Variants in PCDH7 observed in about 807,000 individuals in gnomAD.
The protein encoded by PCDH7 is protocadherin-7.
In PCDH7, 17 loss-of-function variants were observed where a neutral mutation model predicts 58.9. The observed-to-expected ratio is 0.29, with a 90% CI of 0.20 to 0.43. The LOEUF is 0.43. PCDH7 is among the 20% of genes least tolerant of loss of function. PCDH7 has a pLI of 1.00. For synonymous variants in PCDH7, 664 were observed against 616.4 expected (o/e 1.08, Z -1.14); for missense variants, 1,274 against 1,441.0 (o/e 0.88, Z 1.88).
chr4:30,768,130 T>TA, intron 1 of PCDH7, among the ~76,000 whole-genome samples: 1 of 152,348 alleles, frequency 6.6e-6, no homozygotes, highest in East Asian at 1.9e-4. Context: ...TCACTCTATG[T>TA]AAATGTATAG....
intron 1 of PCDH7, among the ~76,000 whole-genome samples, chr4:30,796,128 A>G (rs1388070350): frequency 6.6e-6 from 1 of 152,228 alleles, no homozygotes; most frequent in East Asian, 1.9e-4. Flanking sequence ...AGCTGCTGCT[A>G]CATCATTTTT....
intron 2 of PCDH7, among the ~76,000 whole-genome samples, chr4:30,924,005 C>A (rs1002472239): frequency 6.6e-6 from 1 of 152,084 alleles, no homozygotes; most frequent in Non-Finnish European, 1.5e-5. Flanking sequence ...TTAAAAGCAC[C>A]ATCTCATTCA....
intron 1 of PCDH7, among the ~76,000 whole-genome samples, chr4:30,826,940 C>G (rs1213133768): frequency 6.6e-6 from 1 of 151,926 alleles, no homozygotes; most frequent in Admixed American, 6.6e-5. Context: ...GCTGCCCAGG[C>G]TAGGAATTCT....
chr4:30,833,557 T>C (rs1730077483), intron 1 of PCDH7, among the ~76,000 whole-genome samples: 1 of 152,196 alleles, frequency 6.6e-6, no homozygotes, highest in Admixed American at 6.6e-5. Flanking sequence ...GCTGTCGTCT[T>C]AGTCCCATCC....
intron 1 of PCDH7, among the ~76,000 whole-genome samples, chr4:30,811,906 GT>G (rs985779393): frequency 1.3e-5 from 2 of 152,034 alleles, no homozygotes; most frequent in East Asian, 1.9e-4. Flanking sequence ...GAATAGGAGG[GT>G]TTTTTAGCCA....
At position 30,722,251 on chromosome 4, in the gene PCDH7, A is replaced by C. The variant is rs935950144; in HGVS notation, c.829A>C (p.Thr277Pro). ...CGAGCAGCGCGACTCCTACGAGCTG[A>C]CCCTGCGAGTGCGCGACGGCGGCGA... Residue 277 changes from threonine (T) to proline (P), a missense_variant, in exon 1 of 2, where the codon ACC becomes CCC. By Grantham distance (38) the Thr-to-Pro change is conservative (BLOSUM62 -1). Transcript: ENST00000361762. This position sits in a 1 kb window ranked among gnomAD's most constrained non-coding sequence, Gnocchi z 7.6. 6.3e-7 allele frequency: 1 copy of C among 1,596,244 alleles called. No individual in the cohort carries two copies. Among genetic ancestry groups the C allele is most frequent in the Non-Finnish European group, 8.5e-7 (1 of 1,172,604 alleles).
intron 3 of PCDH7, among the ~76,000 whole-genome samples, chr4:31,053,199 A>T (rs753588221): frequency 7.2e-5 from 11 of 152,068 alleles, no homozygotes; most frequent in South Asian, 2.1e-4. Flanking sequence ...AGTTTTGCAT[A>T]CCCATCACCA....
In PCDH7 at chr4:31,051,394, A is replaced by G. The variant is rs186921938; in HGVS notation, c.*8-91079A>G. Among the ~76,000 whole-genome samples, 198 of 152,300 alleles carry G rather than the reference A, an allele frequency of 1.3e-3. 1 individual carries two copies. The highest frequency in any genetic ancestry group is 4.6e-3 in the African/African-American group (191 of 41,584). Reference sequence around the variant, plus strand: ...ATGAACTAATGAATGAATCATACACACCAAAAATAGAGCAGCAGAACTATA... The same window carrying G: ...ATGAACTAATGAATGAATCATACACGCCAAAAATAGAGCAGCAGAACTATA... On this transcript the variant is annotated intron_variant, in intron 3 of 3. Transcript: ENST00000509759.
In PCDH7 at chr4:30,952,412, A is replaced by G. The variant is rs141119244; in HGVS notation, c.*7+2197A>G. 6.6e-5 allele frequency among the ~76,000 whole-genome samples: 10 copies of G among 152,164 alleles called. No homozygotes were observed. In the East Asian group the frequency reaches 1.4e-3, roughly 21 times the overall value. ...AGGAAAACAGTTGTATCAATTTACC[A>G]CTAAAGGAAAACAGTGGATAAGTAA... On this transcript the variant is annotated intron_variant, in intron 3 of 3. Transcript: ENST00000509759.
intron 1 of PCDH7, among the ~76,000 whole-genome samples, chr4:30,771,746 G>A (rs142460754): frequency 6.6e-6 from 1 of 151,906 alleles, no homozygotes; most frequent in Non-Finnish European, 1.5e-5. Flanking sequence ...AATTATCCTC[G>A]GTTATTAACT....
Position 30,767,705 on chromosome 4 carries a change from T to C in PCDH7, c.70+43109T>C, listed in dbSNP as rs1037591471. 3.3e-5 allele frequency among the ~76,000 whole-genome samples: 5 copies of C among 152,230 alleles called. No individual in the cohort carries two copies. In the East Asian group the frequency reaches 9.6e-4, roughly 29 times the overall value. ...AGAGGTACTGAGTGGAAAAGCGTTT[T>C]AGAATTTAAGTAAAATAGCAAAATC... On this transcript the variant is annotated intron_variant, in intron 1 of 3. Transcript: ENST00000509759.
chr4:31,097,627 T>TAA (rs1714287625), intron 3 of PCDH7, among the ~76,000 whole-genome samples: 3 of 41,448 alleles, frequency 7.2e-5, no homozygotes, highest in African/African-American at 6.6e-4. Flanking sequence ...TATATATATA[T>TAA]ATATATATAT....
chr4:30,902,706 C>A (rs1274379987), intron 1 of PCDH7, among the ~76,000 whole-genome samples: 3 of 151,670 alleles, frequency 2.0e-5, no homozygotes, highest in Non-Finnish European at 4.4e-5. Context: ...TTGAAAAAGT[C>A]ATAAGGAAAA....
At chr4:31,049,809 G>A (rs6848676) in intron 3 of PCDH7, among the ~76,000 whole-genome samples, 95,274 of 151,594 alleles carry the variant, frequency 0.63, 32,271 homozygotes, top group African/African-American at 0.89. Flanking sequence ...GTGAGGTCAC[G>A]TGGACATATT....
At chr4:30,764,583 G>A (rs1203262209) in intron 1 of PCDH7, among the ~76,000 whole-genome samples, 3 of 152,186 alleles carry the variant, frequency 2.0e-5, no homozygotes, top group Non-Finnish European at 4.4e-5. Context: ...AACGAAGTTT[G>A]TAAATGCACT....
chr4:30,726,196 C>A (rs1210896177), intron 1 of PCDH7, among the ~76,000 whole-genome samples: 4 of 152,078 alleles, frequency 2.6e-5, no homozygotes, highest in South Asian at 4.1e-4. Flanking sequence ...AAAATGGTAG[C>A]ACTTTTTACA....
intron 2 of PCDH7, among the ~76,000 whole-genome samples, chr4:30,924,384 C>A (rs1048223005): frequency 1.3e-5 from 2 of 152,116 alleles, no homozygotes; most frequent in African/African-American, 2.4e-5. Context: ...GATTCTCTTA[C>A]ATTCAATTTT....
chr4:31,084,979 G>A (rs541350216), intron 3 of PCDH7, among the ~76,000 whole-genome samples: 3 of 152,058 alleles, frequency 2.0e-5, no homozygotes, highest in South Asian at 2.1e-4. Flanking sequence ...CACCTTGCCC[G>A]CTGCCTAGAC....
At chr4:31,103,828 G>C (rs1273357181) in intron 3 of PCDH7, among the ~76,000 whole-genome samples, 1 of 152,062 alleles carries the variant, frequency 6.6e-6, no homozygotes, top group Non-Finnish European at 1.5e-5. Context: ...TCACTTAAAG[G>C]GTGTGAGATT....
Sources: gnomAD v4.1 joint callset for allele counts (sites outside exome capture counted in the v4.1 genomes callset) on GRCh38, gnomAD v4.1.1 for gene constraint, Gnocchi (gnomAD v3.1) non-coding constraint, MANE v1.5 for transcripts, NCBI Gene and HGNC (gene_info 2026-07-23, HGNC 2026-07-21) for gene names.